The following MFHAS1 variants were observed in gnomAD, a reference collection of about 807,000 sequenced individuals.
The protein encoded by MFHAS1 is malignant fibrous histiocytoma-amplified sequence 1.
MFHAS1 carries 50 observed loss-of-function variants against 70.4 expected under a neutral mutation model. That is an observed-to-expected ratio of 0.71 (90% CI 0.57 to 0.90). The LOEUF (loss-of-function observed/expected upper bound fraction) is 0.90. Ranked by LOEUF, MFHAS1 falls within the 40% of genes least tolerant of loss-of-function variation. The pLI is 0.00. For synonymous variants in MFHAS1, 952 were observed against 620.0 expected, an observed-to-expected ratio of 1.54 and a Z score of -7.96; for missense variants, 1,795 against 1,347.6, an observed-to-expected ratio of 1.33 and a Z score of -5.20.
intron 1 of MFHAS1, among the ~76,000 whole-genome samples, chr8:8,831,650 G>T (rs1223792428): frequency 6.6e-6 from 1 of 151,000 alleles, no homozygotes; most frequent in Admixed American, 6.6e-5. Flanking sequence ...GTCTCACTCG[G>T]TCGCCCAGGC....
At chr8:8,841,329 G>C (rs1807814679) in intron 1 of MFHAS1, among the ~76,000 whole-genome samples, 1 of 152,120 alleles carries the variant, frequency 6.6e-6, no homozygotes, top group Non-Finnish European at 1.5e-5. Context: ...ACAAAAATGA[G>C]CTGGGCGTGG....
intron 1 of MFHAS1, among the ~76,000 whole-genome samples, chr8:8,855,956 A>T (rs1477680282): frequency 6.6e-6 from 1 of 152,238 alleles, no homozygotes; most frequent in Non-Finnish European, 1.5e-5. Context: ...CACTGGCCAT[A>T]ACAGATTCAG....
chr8:8,880,707 T>A, intron 1 of MFHAS1, among the ~76,000 whole-genome samples: 1 of 149,806 alleles, frequency 6.7e-6, no homozygotes, highest in South Asian at 2.1e-4. Context: ...TTCCCCCAGA[T>A]GGAGTCTTGT....
chr8:8,785,946 G>T lies in MFHAS1; in HGVS notation c.*76C>A. On this transcript the variant is annotated 3_prime_UTR_variant, in exon 3 of 3. Transcript: ENST00000276282. ...AGAACACGCTGGGGTGAGTGCAGAG[G>T]GTCTGCCAGGTGCAAAAGATGGTCC... 1 of 1,468,902 alleles carries T rather than the reference G, an allele frequency of 6.8e-7. No homozygotes were observed. The highest frequency in any genetic ancestry group is 9.5e-7 in the Non-Finnish European group (1 of 1,047,956). The allele number at this position is 1,468,902 out of a possible 1,614,324, so 91.0% of individuals were successfully genotyped here. A position where few individuals can be genotyped will look rare whatever the true frequency, so the allele number is the denominator to read the frequency against.
chr8:8,795,261 C>T (rs994878149), intron 2 of MFHAS1, among the ~76,000 whole-genome samples: 1 of 152,050 alleles, frequency 6.6e-6, no homozygotes, highest in African/African-American at 2.4e-5. Flanking sequence ...TCCATCCTCA[C>T]CCAGGTGTAT....
At chr8:8,860,814 A>C (rs1000954424) in intron 1 of MFHAS1, among the ~76,000 whole-genome samples, 42 of 152,374 alleles carry the variant, frequency 2.8e-4, no homozygotes, top group African/African-American at 8.7e-4. Context: ...CTTGGCAGAC[A>C]GTTCTAATTT....
chr8:8,848,687 G>C (rs1808124521), intron 1 of MFHAS1, among the ~76,000 whole-genome samples: 1 of 152,168 alleles, frequency 6.6e-6, no homozygotes, highest in South Asian at 2.1e-4. Flanking sequence ...GTACTCAATA[G>C]AGAATGGACA....
intron 1 of MFHAS1, among the ~76,000 whole-genome samples, chr8:8,834,055 G>A (rs1807508265): frequency 6.6e-6 from 1 of 152,122 alleles, no homozygotes; most frequent in Non-Finnish European, 1.5e-5. Flanking sequence ...GAACCCGGGA[G>A]GCGGAGGCTG....
At chr8:8,832,044 A>C (rs1179731598) in intron 1 of MFHAS1, among the ~76,000 whole-genome samples, 2 of 58,746 alleles carry the variant, frequency 3.4e-5, no homozygotes, top group African/African-American at 4.9e-5. Flanking sequence ...CAAGGCGCAC[A>C]TGCACGCGCG....
chr8:8,857,967 CA>C (rs1808507187), intron 1 of MFHAS1, among the ~76,000 whole-genome samples: 1 of 152,146 alleles, frequency 6.6e-6, no homozygotes, highest in Admixed American at 6.5e-5. Context: ...TTTTTCTAAA[CA>C]AATGAGAAAA....
At chr8:8,840,461 C>CAAAAAAAAAAAAA (rs141909980) in intron 1 of MFHAS1, among the ~76,000 whole-genome samples, 1 of 82,114 alleles carries the variant, frequency 1.2e-5, no homozygotes, top group Non-Finnish European at 2.6e-5. Context: ...CATCTCAATA[C>CAAAAAAAAAAAAA]AAAAAAAAAA....
intron 1 of MFHAS1, among the ~76,000 whole-genome samples, chr8:8,879,216 G>A (rs990924283): frequency 1.3e-5 from 2 of 152,134 alleles, no homozygotes; most frequent in African/African-American, 2.4e-5. Flanking sequence ...GCTGGGTGTG[G>A]TGGCACATGC....
chr8:8,872,735 A>G (rs758419846), intron 1 of MFHAS1, among the ~76,000 whole-genome samples: 1 of 152,148 alleles, frequency 6.6e-6, no homozygotes, highest in Non-Finnish European at 1.5e-5. Context: ...TGAAGGGACT[A>G]AATAGAAAAT....
At chr8:8,827,718 T>C (rs1807215013) in intron 1 of MFHAS1, among the ~76,000 whole-genome samples, 1 of 152,232 alleles carries the variant, frequency 6.6e-6, no homozygotes. Context: ...CTTTAAATTT[T>C]CCTCATGAAA....
At chr8:8,848,776 G>A (rs1231112715) in intron 1 of MFHAS1, among the ~76,000 whole-genome samples, 1 of 152,172 alleles carries the variant, frequency 6.6e-6, no homozygotes, top group African/African-American at 2.4e-5. Context: ...CAAGCAGTCG[G>A]CCCACAGGCT....
At chr8:8,818,163 C>T (rs963034079) in intron 1 of MFHAS1, among the ~76,000 whole-genome samples, 2 of 152,146 alleles carry the variant, frequency 1.3e-5, no homozygotes, top group Admixed American at 6.5e-5. Context: ...GAGCGTCATA[C>T]TTCGGGGCTG....
intron 1 of MFHAS1, among the ~76,000 whole-genome samples, chr8:8,861,848 C>T (rs1464185135): frequency 6.6e-6 from 1 of 152,204 alleles, no homozygotes; most frequent in Non-Finnish European, 1.5e-5. Context: ...GCTTCTTTCA[C>T]TCAGCATAAT....
chr8:8,881,391 C>G (rs187615161), intron 1 of MFHAS1, among the ~76,000 whole-genome samples: 2 of 152,230 alleles, frequency 1.3e-5, no homozygotes, highest in African/African-American at 4.8e-5. Context: ...CTCTGCATTA[C>G]GCCAGCCACC....
intron 1 of MFHAS1, among the ~76,000 whole-genome samples, chr8:8,846,007 G>C (rs1474413753): frequency 2.0e-5 from 3 of 151,992 alleles, no homozygotes; most frequent in African/African-American, 2.4e-5. Flanking sequence ...ATTCCCAGCA[G>C]TTTGGGAGGC....
Sources: allele counts gnomAD v4.1 joint callset (sites outside exome capture counted in the v4.1 genomes callset), GRCh38; gene constraint gnomAD v4.1.1; transcripts MANE v1.5; gene names NCBI Gene and HGNC (gene_info 2026-07-23, HGNC 2026-07-21).